The following RANBP2 variants were observed in gnomAD, a reference collection of about 807,000 sequenced individuals.
RANBP2 encodes RAN binding protein 2.
In RANBP2, 57 loss-of-function variants were observed where a neutral mutation model predicts 303.6. The ratio of observed to expected loss-of-function variants is 0.19; its 90% confidence interval spans 0.15 to 0.23. The LOEUF (loss-of-function observed/expected upper bound fraction) is 0.23, where lower values mean the gene tolerates loss of function less well. Ranked by LOEUF, RANBP2 falls within the 10% of genes least tolerant of loss-of-function variation. The probability of loss-of-function intolerance (pLI) is 1.00; values close to 1 mark genes in which losing one functional copy is unlikely to be tolerated. For synonymous variants in RANBP2, 1,167 were observed against 1,301.5 expected, an observed-to-expected ratio of 0.90 and a Z score of 2.23; for missense variants, 3,138 against 3,780.8, an observed-to-expected ratio of 0.83 and a Z score of 4.46.
the RANBP2 span, among the ~76,000 whole-genome samples, chr2:109,673,875 G>C: frequency 6.6e-6 from 1 of 152,106 alleles, no homozygotes; most frequent in Non-Finnish European, 1.5e-5. Flanking sequence ...GATATTTTCA[G>C]GTTTTTTCCC....
chr2:108,731,626 A>G, intron 4 of RANBP2, 152 bp downstream of exon 4: 5 of 1,419,922 alleles, frequency 3.5e-6, no homozygotes, highest in Non-Finnish European at 4.7e-6. Flanking sequence ...AACCTTTCTG[A>G]GCATCTACTG....
chr2:109,247,930 G>C, the RANBP2 span, among the ~76,000 whole-genome samples: 3 of 152,166 alleles, frequency 2.0e-5, no homozygotes, highest in East Asian at 3.9e-4. Context: ...AACAAGAAAA[G>C]GCAGACTCCA....
At chr2:108,961,411 G>A in the RANBP2 span, among the ~76,000 whole-genome samples, 8 of 152,136 alleles carry the variant, frequency 5.3e-5, no homozygotes, top group African/African-American at 1.9e-4. Flanking sequence ...AGGCAGGGAG[G>A]AGCCAGCATT....
At chr2:109,513,451 C>T in the RANBP2 span, among the ~76,000 whole-genome samples, 1 of 119,690 alleles carries the variant, frequency 8.4e-6, no homozygotes, top group South Asian at 2.9e-4. Flanking sequence ...ACATCACACA[C>T]GTGCACATAT....
the RANBP2 span, among the ~76,000 whole-genome samples, chr2:109,210,083 C>T: frequency 6.6e-6 from 1 of 152,214 alleles, no homozygotes; most frequent in Admixed American, 6.5e-5. Flanking sequence ...TGGCTTATTT[C>T]ATTTAGCACA....
chr2:109,694,488 C>G, the RANBP2 span, among the ~76,000 whole-genome samples: 1 of 151,506 alleles, frequency 6.6e-6, no homozygotes, highest in East Asian at 1.9e-4. Flanking sequence ...ACTGCAACCT[C>G]TACCTCCCAG....
At chr2:109,109,283 C>T in the RANBP2 span, among the ~76,000 whole-genome samples, 2 of 152,252 alleles carry the variant, frequency 1.3e-5, no homozygotes, top group Admixed American at 6.5e-5. Context: ...GTGGGGAGAA[C>T]TGTTCCGAAA....
chr2:109,386,143 G>A, the RANBP2 span, among the ~76,000 whole-genome samples: 1 of 152,216 alleles, frequency 6.6e-6, no homozygotes, highest in Non-Finnish European at 1.5e-5. Flanking sequence ...AGAGGGTCAA[G>A]GCTGCAAAGC....
the RANBP2 span, among the ~76,000 whole-genome samples, chr2:109,156,006 C>T: frequency 2.0e-5 from 3 of 152,204 alleles, no homozygotes; most frequent in African/African-American, 7.2e-5. Flanking sequence ...GCCCCAGAGC[C>T]CCATGCTTCC....
intron 14 of RANBP2, 110 bp downstream of exon 14, chr2:108,753,673 C>G: frequency 1.1e-5 from 17 of 1,585,378 alleles, no homozygotes; most frequent in Non-Finnish European, 1.5e-5. Flanking sequence ...ACAATCTTGG[C>G]TCACTGCAAC....
chr2:108,866,338 C>G, the RANBP2 span, among the ~76,000 whole-genome samples: 3 of 152,316 alleles, frequency 2.0e-5, no homozygotes, highest in Admixed American at 2.0e-4. Flanking sequence ...TTAATCACAT[C>G]TGCAAAGCAT....
chr2:109,295,720 A>T, the RANBP2 span, among the ~76,000 whole-genome samples: 1 of 151,750 alleles, frequency 6.6e-6, no homozygotes, highest in Admixed American at 6.6e-5. Flanking sequence ...AGGGAGGGGG[A>T]GGTTTACCTG....
chr2:109,487,912 CG>C, the RANBP2 span, among the ~76,000 whole-genome samples: 13,327 of 152,316 alleles, frequency 0.087, 816 homozygotes, highest in African/African-American at 0.18. Context: ...AAAACAAACA[CG>C]ACCCCTGTAC....
the RANBP2 span, among the ~76,000 whole-genome samples, chr2:109,737,795 T>C: frequency 6.6e-6 from 1 of 152,116 alleles, no homozygotes; most frequent in African/African-American, 2.4e-5. Context: ...TGAAGTCTCA[T>C]TGCAGTTTAG....
the RANBP2 span, among the ~76,000 whole-genome samples, chr2:108,879,630 ATAT>A: frequency 6.6e-6 from 1 of 152,174 alleles, no homozygotes; most frequent in Non-Finnish European, 1.5e-5. Flanking sequence ...AGTTTTTAGT[ATAT>A]TATTATTATT....
At chr2:109,544,268 T>A in the RANBP2 span, 3 of 1,612,986 alleles carry the variant, frequency 1.9e-6, no homozygotes, top group East Asian at 6.7e-5. Flanking sequence ...TTAATAAAGT[T>A]TGCTTGTGAT....
At chr2:109,369,529 T>C in the RANBP2 span, among the ~76,000 whole-genome samples, 1 of 152,146 alleles carries the variant, frequency 6.6e-6, no homozygotes, top group South Asian at 2.1e-4. Flanking sequence ...AAAGTGGCAT[T>C]GTAAAGTCAT....
chr2:109,572,471 T>C, the RANBP2 span, among the ~76,000 whole-genome samples: 1 of 151,950 alleles, frequency 6.6e-6, no homozygotes, highest in Admixed American at 6.6e-5. Context: ...GAATCCAAGT[T>C]TGTCCAGGGC....
the RANBP2 span, among the ~76,000 whole-genome samples, chr2:109,720,703 T>C: frequency 6.6e-6 from 1 of 152,156 alleles, no homozygotes; most frequent in East Asian, 1.9e-4. Flanking sequence ...TAATCCATCA[T>C]TTCATCCAAT....
Sources: gnomAD v4.1 joint callset for allele counts (sites outside exome capture counted in the v4.1 genomes callset) on GRCh38, gnomAD v4.1.1 for gene constraint, MANE v1.5 for transcripts, NCBI Gene and HGNC (gene_info 2026-07-23, HGNC 2026-07-21) for gene names.